Variants in SLC26A7 observed in about 807,000 individuals in gnomAD.
The protein encoded by SLC26A7 is anion exchange transporter.
SLC26A7 carries 59 observed loss-of-function variants against 82.5 expected under a neutral mutation model. That is an observed-to-expected ratio of 0.72 (90% CI 0.58 to 0.89). The LOEUF (loss-of-function observed/expected upper bound fraction) is 0.89. Ranked by LOEUF, SLC26A7 falls within the 40% of genes least tolerant of loss-of-function variation. SLC26A7 has a pLI of 0.00. For synonymous variants in SLC26A7, 271 were observed against 274.3 expected, an observed-to-expected ratio of 0.99 and a Z score of 0.12; for missense variants, 820 against 793.0, an observed-to-expected ratio of 1.03 and a Z score of -0.41.
chr8:91,323,738 T>C (rs1209955419), intron 5 of SLC26A7, among the ~76,000 whole-genome samples: 1 of 152,164 alleles, frequency 6.6e-6, no homozygotes, highest in Admixed American at 6.6e-5. Flanking sequence ...CCTCTTTCTT[T>C]TGGGATTTTG....
intron 2 of SLC26A7, among the ~76,000 whole-genome samples, chr8:91,282,087 C>T (rs1010464762): frequency 1.3e-5 from 2 of 152,100 alleles, no homozygotes; most frequent in South Asian, 4.1e-4. Flanking sequence ...GATCTCCTCC[C>T]TTTGGTTATT....
At chr8:91,344,324 T>A in intron 9 of SLC26A7, 2 of 441,744 alleles carry the variant, frequency 4.5e-6, no homozygotes, top group Non-Finnish European at 6.0e-6. Context: ...CAGATAGATT[T>A]ACTTCAAAAC....
At chr8:91,335,919 A>G (rs1813228134) in intron 6 of SLC26A7, among the ~76,000 whole-genome samples, 1 of 151,870 alleles carries the variant, frequency 6.6e-6, no homozygotes, top group African/African-American at 2.4e-5. Context: ...CCCTCTCTTC[A>G]CTTTCCAGCT....
chr8:91,233,822 T>C (rs1810348550), intron 2 of SLC26A7, among the ~76,000 whole-genome samples: 1 of 152,234 alleles, frequency 6.6e-6, no homozygotes, highest in Non-Finnish European at 1.5e-5. Flanking sequence ...CAACAATCTT[T>C]TGAATTTCCT....
chr8:91,363,298 C>T (rs1234995260), intron 12 of SLC26A7, among the ~76,000 whole-genome samples, 174 bp from the exon 13 acceptor site: 4 of 151,874 alleles, frequency 2.6e-5, no homozygotes, highest in Admixed American at 6.6e-5. Context: ...CCTCTATCCC[C>T]GAATATCCCA....
rs201345331 is a variant in SLC26A7 at position 91,343,311 on chromosome 8, A to G, written c.1027-42A>G. The G allele has an allele frequency of 1.2e-4, 152 of 1,274,488 alleles. No individual in the cohort carries two copies. The African/African-American group carries it at 2.1e-3, about 17-fold the overall frequency. 78.9% of individuals were successfully genotyped at this position (1,274,488 alleles called of 1,614,324 possible). ...TTGTACCTGTGGTCTCTAAAAGTCT[A>G]TTGTGATTAAGATATTATATATTCT... On this transcript the variant is annotated intron_variant, in intron 8 of 18. Coordinates refer to ENST00000276609, the MANE Select transcript of SLC26A7 (RefSeq NM_052832.4).
At chr8:91,302,799 T>C (rs1812202908) in intron 4 of SLC26A7, among the ~76,000 whole-genome samples, 1 of 147,458 alleles carries the variant, frequency 6.8e-6, no homozygotes. Context: ...AAAATGAATG[T>C]AATGTCCCTT....
intron 2 of SLC26A7, among the ~76,000 whole-genome samples, chr8:91,270,521 C>T (rs1811240605): frequency 6.6e-6 from 1 of 152,114 alleles, no homozygotes; most frequent in Non-Finnish European, 1.5e-5. Flanking sequence ...GGGACAGCTC[C>T]ACTTGAGCAC....
At chr8:91,353,395 A>G (rs1244683332) in intron 11 of SLC26A7, among the ~76,000 whole-genome samples, 1 of 152,200 alleles carries the variant, frequency 6.6e-6, no homozygotes, top group Non-Finnish European at 1.5e-5. Flanking sequence ...CGCTGCGCGC[A>G]TATAGGGTGA....
At chr8:91,243,018 A>G (rs1810494663) in intron 2 of SLC26A7, among the ~76,000 whole-genome samples, 1 of 152,214 alleles carries the variant, frequency 6.6e-6, no homozygotes, top group Admixed American at 6.5e-5. Context: ...AAAAATATAG[A>G]GAATATATCA....
At chr8:91,378,260 G>A (rs1250240249) in intron 15 of SLC26A7, among the ~76,000 whole-genome samples, 1 of 150,926 alleles carries the variant, frequency 6.6e-6, no homozygotes, top group Non-Finnish European at 1.5e-5. Flanking sequence ...ACACTTGTTA[G>A]GATTATATAA....
At chr8:91,221,637 C>T (rs904717935) in intron 2 of SLC26A7, among the ~76,000 whole-genome samples, 8 of 152,142 alleles carry the variant, frequency 5.3e-5, no homozygotes, top group Non-Finnish European at 7.4e-5. Context: ...AGATCTTGCC[C>T]CATTGCTTGT....
At position 91,305,099 on chromosome 8, in the gene SLC26A7, A is replaced by G. The variant is rs144727215; in HGVS notation, c.477+9396A>G. On this transcript the variant is annotated intron_variant, in intron 4 of 18. Coordinates refer to ENST00000276609, the MANE Select transcript of SLC26A7 (RefSeq NM_052832.4). ...CTCCTTTTCTAGACTGTGAGTCTCT[A>G]TAGAACAGAGACTATTTGTCTCTAT... 1.5e-3 allele frequency among the ~76,000 whole-genome samples: 223 copies of G among 152,312 alleles called. 2 individuals are homozygous for G. The highest frequency in any genetic ancestry group is 5.3e-3 in the African/African-American group (220 of 41,570).
At chr8:91,384,904 A>C (rs1342856082) in intron 15 of SLC26A7, among the ~76,000 whole-genome samples, 1 of 152,170 alleles carries the variant, frequency 6.6e-6, no homozygotes. Context: ...TCAAGATATA[A>C]ATCTGCTTTT....
At chr8:91,226,786 A>G (rs1268763461) in intron 2 of SLC26A7, among the ~76,000 whole-genome samples, 2 of 152,268 alleles carry the variant, frequency 1.3e-5, no homozygotes, top group Non-Finnish European at 1.5e-5. Flanking sequence ...GGCCTGAATC[A>G]GACAAGGTAG....
chr8:91,274,516 G>A (rs1811354776), intron 2 of SLC26A7, among the ~76,000 whole-genome samples: 1 of 152,154 alleles, frequency 6.6e-6, no homozygotes, highest in East Asian at 1.9e-4. Context: ...GAGATAGAGA[G>A]CACCAAGGAA....
At chr8:91,352,610 G>A (rs890055186) in intron 10 of SLC26A7, among the ~76,000 whole-genome samples, 2 of 151,974 alleles carry the variant, frequency 1.3e-5, no homozygotes, top group Non-Finnish European at 2.9e-5. Context: ...TTAGTTAAGA[G>A]GGCATTTAGC....
At chr8:91,232,167 CT>C (rs1405816121) in intron 2 of SLC26A7, among the ~76,000 whole-genome samples, 3 of 152,146 alleles carry the variant, frequency 2.0e-5, no homozygotes, top group Non-Finnish European at 2.9e-5. Context: ...GACTACTTTC[CT>C]GATAGAAATT....
intron 9 of SLC26A7, among the ~76,000 whole-genome samples, chr8:91,344,422 T>C (rs1813505206): frequency 6.6e-6 from 1 of 152,166 alleles, no homozygotes. Context: ...ATGTTTAAGA[T>C]AGGAATCAAA....
Sources: allele counts gnomAD v4.1 joint callset (sites outside exome capture counted in the v4.1 genomes callset), GRCh38; gene constraint gnomAD v4.1.1; transcripts MANE v1.5; gene names NCBI Gene and HGNC (gene_info 2026-07-23, HGNC 2026-07-21).